Variants in PCDH9 observed in about 807,000 individuals in gnomAD.
The protein encoded by PCDH9 is protocadherin-9.
A neutral mutation model predicts 70.6 loss-of-function variants in PCDH9; 24 were observed. The observed-to-expected ratio is 0.34, with a 90% CI of 0.25 to 0.48. The LOEUF (loss-of-function observed/expected upper bound fraction) is 0.48. Ranked by LOEUF, PCDH9 falls within the 20% of genes least tolerant of loss-of-function variation. The probability of loss-of-function intolerance (pLI) is 0.99; values close to 1 mark genes in which losing one functional copy is unlikely to be tolerated. For synonymous variants in PCDH9, 562 were observed against 558.5 expected, an observed-to-expected ratio of 1.01 and a Z score of -0.09; for missense variants, 1,281 against 1,503.6, an observed-to-expected ratio of 0.85 and a Z score of 2.45.
At chr13:67,200,173 T>A (rs557738451) in intron 2 of PCDH9, among the ~76,000 whole-genome samples, 2 of 152,226 alleles carry the variant, frequency 1.3e-5, no homozygotes, top group East Asian at 3.9e-4. Context: ...GCATCAATAA[T>A]TTTTTACTTG....
chr13:67,060,600 T>C (rs1037206807), intron 2 of PCDH9, among the ~76,000 whole-genome samples: 1 of 152,122 alleles, frequency 6.6e-6, no homozygotes, highest in Non-Finnish European at 1.5e-5. Context: ...GCCAGCACCA[T>C]AATTCTGACA....
At chr13:66,316,876 C>T (rs988087205) in intron 4 of PCDH9, among the ~76,000 whole-genome samples, 3 of 152,122 alleles carry the variant, frequency 2.0e-5, no homozygotes, top group Admixed American at 1.3e-4. Context: ...GCACGCACAA[C>T]AACGCCTGGC....
intron 2 of PCDH9, among the ~76,000 whole-genome samples, chr13:67,113,484 A>T (rs1269432499): frequency 3.9e-5 from 6 of 152,190 alleles, no homozygotes; most frequent in Admixed American, 6.5e-5. Flanking sequence ...CTCGTCATTA[A>T]TAATTACTTT....
chr13:66,590,587 A>G (rs2077025982), intron 4 of PCDH9, among the ~76,000 whole-genome samples: 1 of 151,894 alleles, frequency 6.6e-6, no homozygotes, highest in Non-Finnish European at 1.5e-5. Context: ...TGTGTTTACC[A>G]TTTTCAGAAA....
intron 3 of PCDH9, among the ~76,000 whole-genome samples, chr13:66,840,339 G>A (rs949850549): frequency 3.3e-5 from 5 of 152,108 alleles, no homozygotes; most frequent in African/African-American, 9.7e-5. Flanking sequence ...GATTCCTTTT[G>A]CATTTGCAAG....
chr13:66,951,535 A>G (rs1391332403), intron 2 of PCDH9, among the ~76,000 whole-genome samples: 1 of 139,008 alleles, frequency 7.2e-6, no homozygotes, highest in East Asian at 2.0e-4. Context: ...CTATTCTCAT[A>G]GGCTGAATGA....
intron 2 of PCDH9, among the ~76,000 whole-genome samples, chr13:67,047,099 G>A (rs1566387108): frequency 2.0e-5 from 3 of 152,144 alleles, no homozygotes; most frequent in Admixed American, 1.3e-4. Flanking sequence ...GAAAGAGGGA[G>A]AAGCACTTAG....
chr13:66,392,701 A>G (rs1010389608), intron 4 of PCDH9, among the ~76,000 whole-genome samples: 2 of 152,114 alleles, frequency 1.3e-5, no homozygotes, highest in South Asian at 2.1e-4. Context: ...CTCATTTCTT[A>G]TATAGGTAAA....
intron 4 of PCDH9, among the ~76,000 whole-genome samples, chr13:66,462,609 T>C (rs112175114): frequency 7.9e-5 from 12 of 151,956 alleles, no homozygotes; most frequent in African/African-American, 2.9e-4. Flanking sequence ...TTACTTGGTC[T>C]GAAATATGGC....
At chr13:67,205,965 C>G (rs879548717) in intron 2 of PCDH9, 2 of 152,078 alleles carry the variant, frequency 1.3e-5, no homozygotes, top group Non-Finnish European at 2.9e-5. Flanking sequence ...ATGTTTTAGA[C>G]AGGGTCTTGC....
intron 3 of PCDH9, among the ~76,000 whole-genome samples, chr13:66,705,846 AATTT>A (rs1239601450): frequency 3.3e-5 from 5 of 152,230 alleles, no homozygotes; most frequent in Non-Finnish European, 7.3e-5. Flanking sequence ...CAGGAAACTT[AATTT>A]TACGTATCAT....
intron 2 of PCDH9, among the ~76,000 whole-genome samples, chr13:66,959,108 T>C (rs946488451): frequency 3.9e-5 from 6 of 152,136 alleles, no homozygotes; most frequent in African/African-American, 1.4e-4. Flanking sequence ...ATAACAGACT[T>C]ACATCCTTAA....
At position 67,226,533 on chromosome 13, in the gene PCDH9, C is replaced by T; in HGVS notation, c.1908G>A (p.Glu636=). ...VIKSNVSFDR[E]QQSSYTFDVK... is the part of the protein sequence containing the mutation. ...CATCAAAAGTGTAGGAACTCTGCTG[C>T]TCTCTATCAAATGAGACATTTGACT... The change falls in exon 2 of 5, where the codon GAG becomes GAA. Residue 636 remains glutamate (E), a synonymous_variant. Coordinates refer to ENST00000377865, the MANE Select transcript of PCDH9 (RefSeq NM_203487.3). The surrounding 1 kb of genome is among the most constrained non-coding windows in gnomAD (Gnocchi z 5.0). 1.9e-6 allele frequency: 3 copies of T among 1,614,008 alleles called. No individual in the cohort carries two copies. The highest frequency in any genetic ancestry group is 2.2e-5 in the South Asian group (2 of 91,080).
chr13:67,027,640 A>C (rs1420056400), intron 2 of PCDH9, among the ~76,000 whole-genome samples: 5 of 150,378 alleles, frequency 3.3e-5, no homozygotes, highest in Non-Finnish European at 5.9e-5. Flanking sequence ...CAACCTACAA[A>C]ATGGGAGAAA....
chr13:67,127,760 G>T (rs1400185096), intron 2 of PCDH9, among the ~76,000 whole-genome samples: 2 of 150,972 alleles, frequency 1.3e-5, no homozygotes, highest in Admixed American at 1.3e-4. Flanking sequence ...GTCAAACCAT[G>T]CCTTTTCTAA....
At chr13:66,517,498 C>A (rs1254286826) in intron 4 of PCDH9, among the ~76,000 whole-genome samples, 2 of 151,994 alleles carry the variant, frequency 1.3e-5, no homozygotes, top group African/African-American at 2.4e-5. Flanking sequence ...TTAAAAAAAA[C>A]AACAACAAAA....
chr13:66,792,482 C>T lies in PCDH9; in HGVS notation c.3138+111022G>A, dbSNP rs569572374. Among the ~76,000 whole-genome samples, 22 of 152,198 alleles carry T rather than the reference C, an allele frequency of 1.4e-4. No individual in the cohort carries two copies. The South Asian group carries it at 4.6e-3, about 32-fold the overall frequency. On this transcript the variant is annotated intron_variant, in intron 3 of 4. Coordinates refer to ENST00000377865, the MANE Select transcript of PCDH9 (RefSeq NM_203487.3). ...GTCAGGAGTTTGAGACCACCCCGAC[C>T]AACATGGTGAAACCCTGTCCCTACT... is the stretch of plus-strand genomic sequence containing the variant.
intron 3 of PCDH9, among the ~76,000 whole-genome samples, chr13:66,804,774 A>C (rs542759075): frequency 1.3e-5 from 2 of 152,300 alleles, no homozygotes; most frequent in South Asian, 4.1e-4. Context: ...AAGAGTAAGA[A>C]GAGCAATTTC....
chr13:67,111,637 A>T (rs1011072075), intron 2 of PCDH9, among the ~76,000 whole-genome samples: 1 of 152,106 alleles, frequency 6.6e-6, no homozygotes, highest in Non-Finnish European at 1.5e-5. Context: ...TTTTTTTGCC[A>T]CTCATACTTC....
Sources: gnomAD v4.1 joint callset for allele counts (sites outside exome capture counted in the v4.1 genomes callset) on GRCh38, gnomAD v4.1.1 for gene constraint, Gnocchi (gnomAD v3.1) non-coding constraint, MANE v1.5 for transcripts, NCBI Gene and HGNC (gene_info 2026-07-23, HGNC 2026-07-21) for gene names.